Variants in LRRC7 observed in about 807,000 individuals in gnomAD.
LRRC7 encodes the protein leucine rich repeat containing 7.
In LRRC7, 23 loss-of-function variants were observed where a neutral mutation model predicts 175.7. That is an observed-to-expected ratio of 0.13 (90% confidence interval 0.09 to 0.19). LRRC7 has a LOEUF of 0.19. Among genes scored for constraint, LRRC7 ranks in the 10% least tolerant of loss-of-function variants. The pLI, the probability that LRRC7 is intolerant of heterozygous loss-of-function variation, is 1.00. For synonymous variants in LRRC7, 685 were observed against 680.9 expected, an observed-to-expected ratio of 1.01 and a Z score of -0.09; for missense variants, 1,354 against 1,904.7, an observed-to-expected ratio of 0.71 and a Z score of 5.38.
chr1:69,852,342 T>C (rs1371562061), intron 7 of LRRC7, among the ~76,000 whole-genome samples: 2 of 152,186 alleles, frequency 1.3e-5, no homozygotes, highest in Non-Finnish European at 2.9e-5. Flanking sequence ...GGAAGTGCTT[T>C]AGTGCCTAGA....
At chr1:69,603,397 A>T (rs1647160181) in intron 1 of LRRC7, among the ~76,000 whole-genome samples, 1 of 152,192 alleles carries the variant, frequency 6.6e-6, no homozygotes, top group African/African-American at 2.4e-5. Flanking sequence ...GATAAACAGA[A>T]CTGCTCCCTT....
chr1:69,920,842 C>A (rs1646868734), intron 7 of LRRC7, among the ~76,000 whole-genome samples: 1 of 152,152 alleles, frequency 6.6e-6, no homozygotes, highest in Non-Finnish European at 1.5e-5. Flanking sequence ...GCCCCCAATA[C>A]TTTGGTGCTT....
intron 1 of LRRC7, among the ~76,000 whole-genome samples, chr1:69,648,599 T>C (rs1468741036): frequency 6.6e-6 from 1 of 152,202 alleles, no homozygotes; most frequent in African/African-American, 2.4e-5. Context: ...TCCTCCATCA[T>C]GTTTTTGGCT....
intron 7 of LRRC7, among the ~76,000 whole-genome samples, chr1:69,868,268 G>T (rs1685147672): frequency 6.6e-6 from 1 of 152,120 alleles, no homozygotes; most frequent in Non-Finnish European, 1.5e-5. Flanking sequence ...GCCTTAAAAA[G>T]ATGGAAGGAA....
chr1:69,774,854 A>G (rs1435642041), intron 3 of LRRC7, among the ~76,000 whole-genome samples: 1 of 152,132 alleles, frequency 6.6e-6, no homozygotes, highest in Non-Finnish European at 1.5e-5. Context: ...AAATAAATAC[A>G]CGATCTCTAC....
rs1253351654 is a variant in LRRC7, at chr1:70,140,752, G to A, written c.*18865G>A. ...AAAAAGCATTCAAGGGCCCTGCCCA[G>A]TATCTCTTTACTGATACAAGTATTC... On this transcript the variant is annotated 3_prime_UTR_variant, in exon 27 of 27. Coordinates refer to ENST00000651989, the MANE Select transcript of LRRC7 (RefSeq NM_001370785.2). The A allele has an allele frequency of 6.6e-6, 1 of 152,166 alleles. No homozygotes were observed. The highest frequency in any genetic ancestry group is 1.9e-4 in the East Asian group (1 of 5,188). 9.4% of individuals were successfully genotyped at this position (152,166 alleles called of 1,614,324 possible). A position where few individuals can be genotyped will look rare whatever the true frequency, so the allele number is the denominator to read the frequency against.
At position 69,574,953 on chromosome 1, in the gene LRRC7, C is replaced by T. The variant is rs111931314; in HGVS notation, c.2+6312C>T. Among the ~76,000 whole-genome samples, 281 of 152,188 alleles carry T rather than the reference C, an allele frequency of 1.8e-3. 1 individual carries two copies. The highest frequency in any genetic ancestry group is 6.6e-3 in the African/African-American group (275 of 41,558). On this transcript the variant is annotated intron_variant, in intron 1 of 26. Coordinates refer to ENST00000651989, the MANE Select transcript of LRRC7 (RefSeq NM_001370785.2). ...ACTTAGAGTGAGTGTTAAATATTAGCGAAGTCCTTAGGCTAATATCGTATT... is the reference window on the plus strand; with the variant it reads ...ACTTAGAGTGAGTGTTAAATATTAGTGAAGTCCTTAGGCTAATATCGTATT...
intron 8 of LRRC7, among the ~76,000 whole-genome samples, chr1:69,943,841 T>G (rs1648997895): frequency 6.6e-6 from 1 of 151,896 alleles, no homozygotes; most frequent in East Asian, 1.9e-4. Context: ...TAAGTGTAAC[T>G]TCAAGATTTG....
chr1:69,892,273 G>T (rs1297799982), intron 7 of LRRC7, among the ~76,000 whole-genome samples: 1 of 152,132 alleles, frequency 6.6e-6, no homozygotes, highest in Non-Finnish European at 1.5e-5. Context: ...TTCTGATCAG[G>T]GAAGTAAGTT....
intron 26 of LRRC7, among the ~76,000 whole-genome samples, chr1:70,117,392 G>T (rs918623627): frequency 5.3e-5 from 8 of 152,126 alleles, no homozygotes; most frequent in Non-Finnish European, 1.0e-4. Context: ...AAATCCAGGA[G>T]AGAACAAGAG....
At position 69,626,676 on chromosome 1, in the gene LRRC7, T is replaced by A. The variant is rs556389679; in HGVS notation, c.3-51705T>A. 2.0e-5 allele frequency among the ~76,000 whole-genome samples: 3 copies of A among 151,352 alleles called. No homozygotes were observed. The East Asian group carries it at 5.9e-4, about 30-fold the overall frequency. On this transcript the variant is annotated intron_variant, in intron 1 of 26. Transcript: ENST00000651989. ...GTGTGCTGCACCCATTAACTCATCA[T>A]TTACATTAGGTATATCTCCTAATGC... is the stretch of plus-strand genomic sequence containing the variant.
At chr1:69,631,899 T>C (rs1381396963) in intron 1 of LRRC7, among the ~76,000 whole-genome samples, 1 of 152,154 alleles carries the variant, frequency 6.6e-6, no homozygotes, top group East Asian at 1.9e-4. Flanking sequence ...TTAAATCTGA[T>C]CATGTCTGTT....
chr1:69,741,883 C>T (rs531244089), intron 2 of LRRC7, among the ~76,000 whole-genome samples: 71 of 152,076 alleles, frequency 4.7e-4, no homozygotes, highest in African/African-American at 1.5e-3. Context: ...AAGATACAAA[C>T]GCAAATCTGA....
At chr1:69,675,160 A>G (rs1659599227) in intron 1 of LRRC7, among the ~76,000 whole-genome samples, 1 of 152,180 alleles carries the variant, frequency 6.6e-6, no homozygotes, top group Non-Finnish European at 1.5e-5. Flanking sequence ...CTACATTGCC[A>G]GCATTGTATA....
intron 7 of LRRC7, among the ~76,000 whole-genome samples, chr1:69,923,964 T>G (rs573564178): frequency 8.6e-5 from 13 of 151,992 alleles, no homozygotes; most frequent in East Asian, 1.9e-4. Context: ...TAATCCATCT[T>G]GAATTAATTT....
chr1:69,986,017 G>A (rs1373355228), intron 9 of LRRC7, among the ~76,000 whole-genome samples: 3 of 152,074 alleles, frequency 2.0e-5, no homozygotes, highest in African/African-American at 7.2e-5. Context: ...CCTATTTATT[G>A]TTGAGTCATT....
intron 20 of LRRC7, 143 bp downstream of exon 20, chr1:70,036,767 G>T: frequency 1.2e-6 from 1 of 802,926 alleles, no homozygotes; most frequent in Non-Finnish European, 1.9e-6. Flanking sequence ...AATGTTGTTC[G>T]CCTGGGACTG....
At chr1:69,597,552 A>G (rs1569816871) in intron 1 of LRRC7, among the ~76,000 whole-genome samples, 1 of 152,188 alleles carries the variant, frequency 6.6e-6, no homozygotes, top group East Asian at 1.9e-4. Flanking sequence ...CTATAATTTG[A>G]GCAATACATC....
intron 4 of LRRC7, among the ~76,000 whole-genome samples, chr1:69,815,809 T>G (rs2101169583): frequency 6.6e-6 from 1 of 152,250 alleles, no homozygotes; most frequent in Admixed American, 6.5e-5. Context: ...ATCTATCTCA[T>G]GAGGGCCTGT....
Sources: gnomAD v4.1 joint callset for allele counts (sites outside exome capture counted in the v4.1 genomes callset) on GRCh38, gnomAD v4.1.1 for gene constraint, MANE v1.5 for transcripts, NCBI Gene and HGNC (gene_info 2026-07-23, HGNC 2026-07-21) for gene names.